KCNAB2: variants seen among roughly 807,000 people sequenced by gnomAD.
The protein encoded by KCNAB2 is potassium voltage-gated channel subfamily A regulatory beta subunit 2, also known as voltage-gated potassium channel subunit beta-2.
Under a neutral mutation model 63.6 loss-of-function variants are expected in KCNAB2, and 29 were observed. The ratio of observed to expected loss-of-function variants is 0.46; its 90% CI spans 0.34 to 0.62. The LOEUF (loss-of-function observed/expected upper bound fraction) is 0.62, where lower values mean the gene tolerates loss of function less well. KCNAB2 is among the 20% of genes least tolerant of loss of function. The probability of loss-of-function intolerance (pLI) is 0.01; values close to 1 mark genes in which losing one functional copy is unlikely to be tolerated. For synonymous variants in KCNAB2, 222 were observed against 224.2 expected (o/e 0.99, Z 0.09); for missense variants, 359 against 563.9 (o/e 0.64, Z 3.68).
intron 5 of KCNAB2, among the ~76,000 whole-genome samples, chr1:6,083,231 G>T (rs540959795): frequency 6.6e-6 from 1 of 152,220 alleles, no homozygotes; most frequent in Non-Finnish European, 1.5e-5. Context: ...CAGCGGAGGG[G>T]TCTGAGGTCA....
chr1:6,097,400 C>T, intron 15 of KCNAB2, 43 bp downstream of exon 15: 1 of 1,549,078 alleles, frequency 6.5e-7, no homozygotes, highest in Non-Finnish European at 8.7e-7. Context: ...CCATCCCAGC[C>T]CGAGCCCCGT....
At position 6,053,463 on chromosome 1, in the gene KCNAB2, A is replaced by G. The variant is rs557864077; in HGVS notation, c.218+1709A>G. ...CTGGCCGAGGCAGCAAAGCAGGACA[A>G]TGCAATGAAGAAAGACCAGGGAGGC... On this transcript the variant is annotated intron_variant, in intron 2 of 15. Transcript: ENST00000378083. Among the ~76,000 whole-genome samples, 401 of 152,306 alleles carry G rather than the reference A, an allele frequency of 2.6e-3. 1 individual carries two copies. Among genetic ancestry groups the G allele is most frequent in the African/African-American group, 8.9e-3 (372 of 41,570 alleles).
chr1:6,091,162 C>T (rs898371249), intron 9 of KCNAB2, 101 bp from the exon 10 acceptor site: 83 of 811,800 alleles, frequency 1.0e-4, no homozygotes, highest in Non-Finnish European at 1.6e-4. Flanking sequence ...GCGTGTTCTG[C>T]ACGGTGATTT....
At chr1:6,061,588 C>T (rs903611452) in intron 2 of KCNAB2, among the ~76,000 whole-genome samples, 2 of 152,234 alleles carry the variant, frequency 1.3e-5, no homozygotes, top group Non-Finnish European at 2.9e-5. Context: ...CCAGTAGCAC[C>T]TCCTGCCCAG....
intron 6 of KCNAB2, among the ~76,000 whole-genome samples, chr1:6,085,507 G>T (rs1664623189): frequency 6.6e-6 from 1 of 152,172 alleles, no homozygotes; most frequent in Admixed American, 6.5e-5. Context: ...CTCATCCACA[G>T]AGACCCAGAG....
intron 10 of KCNAB2, among the ~76,000 whole-genome samples, chr1:6,092,585 G>A (rs1256944746): frequency 6.6e-6 from 1 of 152,258 alleles, no homozygotes; most frequent in Non-Finnish European, 1.5e-5. Flanking sequence ...CCCCGAGAGT[G>A]TTTCTAAAAA....
intron 1 of KCNAB2, among the ~76,000 whole-genome samples, chr1:5,996,966 G>A (rs1027257070): frequency 6.6e-6 from 1 of 152,218 alleles, no homozygotes; most frequent in Non-Finnish European, 1.5e-5. Context: ...AGCCTGGGCT[G>A]TTTCCCTGCC....
At chr1:6,038,193 A>C (rs1660210572) in intron 1 of KCNAB2, among the ~76,000 whole-genome samples, 1 of 151,948 alleles carries the variant, frequency 6.6e-6, no homozygotes, top group Non-Finnish European at 1.5e-5. Context: ...AGGGTCTTTA[A>C]GAATAAAACT....
intron 4 of KCNAB2, among the ~76,000 whole-genome samples, chr1:6,079,725 G>A (rs1664038518): frequency 6.6e-6 from 1 of 152,186 alleles, no homozygotes; most frequent in Non-Finnish European, 1.5e-5. Flanking sequence ...AGGGAGCGGG[G>A]AAGGGGAGTT....
At chr1:6,033,279 G>A (rs979688565), upstream of KCNAB2, among the ~76,000 whole-genome samples, 3 of 131,850 alleles carry the variant, frequency 2.3e-5, no homozygotes, top group African/African-American at 5.0e-5. Context: ...GTGCATGTGC[G>A]TGTGTGGGCA....
intron 1 of KCNAB2, among the ~76,000 whole-genome samples, chr1:6,010,865 C>T (rs1658107195): frequency 6.6e-6 from 1 of 152,224 alleles, no homozygotes; most frequent in Non-Finnish European, 1.5e-5. Context: ...CAGAAATCAT[C>T]GTGGAAGCGG....
At chr1:6,037,414 G>T (rs922774087) in intron 1 of KCNAB2, among the ~76,000 whole-genome samples, 1 of 152,180 alleles carries the variant, frequency 6.6e-6, no homozygotes, top group African/African-American at 2.4e-5. Flanking sequence ...AGCATCCATG[G>T]GAGGGCTCCC....
chr1:6,074,490 A>G lies in KCNAB2; in HGVS notation c.300+720A>G, dbSNP rs187921577. On this transcript the variant is annotated intron_variant, in intron 4 of 15. Transcript: ENST00000378083. The surrounding 1 kb of genome is among the most constrained non-coding windows in gnomAD (Gnocchi z 4.9). ...TGCTCAGACAGCTCTGGGCATCTGC[A>G]CAAGAAGCAGTTTTCACATTTATCC... 6.6e-6 allele frequency among the ~76,000 whole-genome samples: 1 copy of G among 152,374 alleles called. No individual in the cohort carries two copies. Among genetic ancestry groups the G allele is most frequent in the Non-Finnish European group, 1.5e-5 (1 of 68,042 alleles).
intron 1 of KCNAB2, among the ~76,000 whole-genome samples, chr1:6,013,267 C>A (rs999844131): frequency 1.3e-5 from 2 of 152,102 alleles, no homozygotes; most frequent in African/African-American, 4.8e-5. Flanking sequence ...CTCAGTGTCC[C>A]GCTGGGGCCA....
upstream of KCNAB2, among the ~76,000 whole-genome samples, chr1:6,045,497 A>G (rs1004888221): frequency 2.0e-5 from 3 of 152,096 alleles, no homozygotes; most frequent in African/African-American, 7.2e-5. This position sits in a 1 kb window ranked among gnomAD's most constrained non-coding sequence, Gnocchi z 4.8. Flanking sequence ...GTGGAGTCCA[A>G]ATAGCAGGTT....
chr1:6,085,303 C>G (rs1664604181), intron 6 of KCNAB2, 55 bp downstream of exon 6: 18 of 1,533,132 alleles, frequency 1.2e-5, no homozygotes, highest in Non-Finnish European at 1.6e-5. Context: ...GCGAACTATC[C>G]CAGGGTCAGC....
intron 2 of KCNAB2, among the ~76,000 whole-genome samples, chr1:6,057,057 T>A (rs1384841054): frequency 6.6e-6 from 1 of 151,406 alleles, no homozygotes; most frequent in Non-Finnish European, 1.5e-5. Flanking sequence ...CGGAAGGCGC[T>A]GCGTGGTCTT....
At chr1:6,088,063 A>G (rs1664853275) in intron 7 of KCNAB2, among the ~76,000 whole-genome samples, 1 of 151,438 alleles carries the variant, frequency 6.6e-6, no homozygotes, top group Admixed American at 6.6e-5. Flanking sequence ...TTTTGTTTTT[A>G]TTTTTTATTT....
chr1:6,079,109 G>T (rs11121183), intron 4 of KCNAB2, among the ~76,000 whole-genome samples: 108,634 of 152,050 alleles, frequency 0.71, 39,029 homozygotes, highest in East Asian at 0.9. Flanking sequence ...GGGTTTGACC[G>T]GAGCACAGGT....
Sources: gnomAD v4.1 joint callset for allele counts (sites outside exome capture counted in the v4.1 genomes callset) on GRCh38, gnomAD v4.1.1 for gene constraint, Gnocchi (gnomAD v3.1) non-coding constraint, MANE v1.5 for transcripts, NCBI Gene and HGNC (gene_info 2026-07-23, HGNC 2026-07-21) for gene names.